JAKMIP2: variants seen among roughly 807,000 people sequenced by gnomAD.
The protein encoded by JAKMIP2 is janus kinase and microtubule-interacting protein 2.
Under a neutral mutation model 115.0 loss-of-function variants are expected in JAKMIP2, and 25 were observed. The ratio of observed to expected loss-of-function variants is 0.22; its 90% CI spans 0.16 to 0.30. The LOEUF (loss-of-function observed/expected upper bound fraction) is 0.30, where lower values mean the gene tolerates loss of function less well. JAKMIP2 is among the 10% of genes least tolerant of loss of function. The pLI, the probability that JAKMIP2 is intolerant of heterozygous loss-of-function variation, is 1.00. For synonymous variants in JAKMIP2, 334 were observed against 343.6 expected (o/e 0.97, Z 0.31); for missense variants, 642 against 957.6 (o/e 0.67, Z 4.35).
At chr5:147,781,945 C>T (rs1755774563) in intron 1 of JAKMIP2, among the ~76,000 whole-genome samples, 2 of 152,078 alleles carry the variant, frequency 1.3e-5, no homozygotes, top group Admixed American at 1.3e-4. Context: ...GATTTCTCAA[C>T]AAGAGTATAT....
chr5:147,726,160 G>A (rs553785141), intron 1 of JAKMIP2, among the ~76,000 whole-genome samples: 1 of 152,250 alleles, frequency 6.6e-6, no homozygotes, highest in Admixed American at 6.5e-5. Context: ...GAAACACTTG[G>A]TCGGAAGGAT....
At chr5:147,751,107 T>C (rs1754535191) in intron 1 of JAKMIP2, among the ~76,000 whole-genome samples, 1 of 151,422 alleles carries the variant, frequency 6.6e-6, no homozygotes, top group East Asian at 2.0e-4. Context: ...AGTCTCACCC[T>C]GTCGCCCAGG....
At chr5:147,657,258 T>C (rs1356915435) in intron 3 of JAKMIP2, among the ~76,000 whole-genome samples, 3 of 151,860 alleles carry the variant, frequency 2.0e-5, no homozygotes, top group African/African-American at 7.3e-5. Context: ...CCAGCCTGGG[T>C]GACAGAGCGA....
chr5:147,715,121 T>C (rs953345065), intron 1 of JAKMIP2, among the ~76,000 whole-genome samples: 55 of 152,238 alleles, frequency 3.6e-4, no homozygotes, highest in African/African-American at 1.2e-3. Flanking sequence ...GAGAAGAATA[T>C]GTTACAATTA....
At chr5:147,593,378 T>C (rs1181937657) in intron 21 of JAKMIP2, among the ~76,000 whole-genome samples, 3 of 152,174 alleles carry the variant, frequency 2.0e-5, no homozygotes, top group African/African-American at 4.8e-5. Context: ...AGAAAAGATA[T>C]CAAGTGTTGG....
intron 18 of JAKMIP2, among the ~76,000 whole-genome samples, chr5:147,620,126 G>C (rs1397169780): frequency 6.6e-6 from 1 of 152,018 alleles, no homozygotes; most frequent in Non-Finnish European, 1.5e-5. Flanking sequence ...ACAGGATCTT[G>C]CTCTGCTGCC....
At chr5:147,726,563 G>A (rs1408118118) in intron 1 of JAKMIP2, among the ~76,000 whole-genome samples, 1 of 152,202 alleles carries the variant, frequency 6.6e-6, no homozygotes, top group African/African-American at 2.4e-5. Flanking sequence ...TACGTCTGAA[G>A]CTGTAGCAAA....
intron 1 of JAKMIP2, among the ~76,000 whole-genome samples, chr5:147,749,440 T>G (rs1398558303): frequency 6.6e-6 from 1 of 152,180 alleles, no homozygotes; most frequent in Non-Finnish European, 1.5e-5. Context: ...GAGCTAGAAG[T>G]CAAACCCTGG....
intron 1 of JAKMIP2, among the ~76,000 whole-genome samples, chr5:147,680,936 CA>C (rs1760230340): frequency 6.6e-6 from 1 of 152,068 alleles, no homozygotes; most frequent in Non-Finnish European, 1.5e-5. Context: ...AGCATAGTAG[CA>C]ATTTTGCATC....
intron 1 of JAKMIP2, among the ~76,000 whole-genome samples, chr5:147,743,999 T>TTTCTTTCC (rs1754251726): frequency 8.9e-6 from 1 of 111,984 alleles, no homozygotes; most frequent in Admixed American, 9.5e-5. Context: ...TCCTAACTTC[T>TTTCTTTCC]TTCCTTCCTT....
chr5:147,782,728 C>T lies in JAKMIP2; in HGVS notation c.-421G>A. ...TCCCTCTCGGAGGATGGGGTGAGCT[C>T]GGAAGCAGCCAGGAACTTGCAGCAG... On this transcript the variant is annotated 5_prime_UTR_variant, in exon 1 of 22. Coordinates refer to ENST00000616793, the MANE Select transcript of JAKMIP2 (RefSeq NM_001270941.2). The T allele has an allele frequency of 1.8e-6, 1 of 567,286 alleles. No homozygotes were observed. Among genetic ancestry groups the T allele is most frequent in the South Asian group, 1.9e-5 (1 of 53,426 alleles). The allele number at this position is 567,286 out of a possible 1,614,324, so 35.1% of individuals were successfully genotyped here.
chr5:147,641,704 T>G lies in JAKMIP2; in HGVS notation c.1281+4A>C. On this transcript the variant is annotated splice_donor_region_variant and intron_variant, in intron 8 of 21. Transcript: ENST00000616793. ...AATGCCTGATAACTTTGATTTCTTA[T>G]TACCTTAATTGGCTTGGAACTTCTT... 6.2e-7 allele frequency: 1 copy of G among 1,607,628 alleles called. No homozygotes were observed. The highest frequency in any genetic ancestry group is 8.5e-7 in the Non-Finnish European group (1 of 1,174,304).
chr5:147,731,269 C>G (rs1487913605), intron 1 of JAKMIP2, among the ~76,000 whole-genome samples: 1 of 152,098 alleles, frequency 6.6e-6, no homozygotes, highest in African/African-American at 2.4e-5. Context: ...TGAAATAAAT[C>G]CTTTGGGGGG....
chr5:147,639,768 T>A lies in JAKMIP2; in HGVS notation c.1402-8A>T. The A allele has an allele frequency of 6.2e-7, 1 of 1,600,224 alleles. No individual in the cohort carries two copies. The highest frequency in any genetic ancestry group is 8.5e-7 in the Non-Finnish European group (1 of 1,177,558). ...TTCTTCAGCTGCTAAACTCTTGAGGTTAAGAAAAAAAGCCCCAAAACAATT... is the reference window on the plus strand; with the variant it reads ...TTCTTCAGCTGCTAAACTCTTGAGGATAAGAAAAAAAGCCCCAAAACAATT... On this transcript the variant is annotated splice_region_variant and splice_polypyrimidine_tract_variant and intron_variant, in intron 9 of 21. Transcript: ENST00000616793.
intron 10 of JAKMIP2, among the ~76,000 whole-genome samples, chr5:147,638,832 C>T (rs762579634): frequency 6.6e-6 from 1 of 152,088 alleles, no homozygotes; most frequent in Non-Finnish European, 1.5e-5. Context: ...CACTAAACTA[C>T]ATTTAACTTC....
At chr5:147,646,839 T>C (rs1758158009) in intron 5 of JAKMIP2, among the ~76,000 whole-genome samples, 1 of 151,544 alleles carries the variant, frequency 6.6e-6, no homozygotes. Context: ...CAAATATTAA[T>C]TTATATTCAT....
chr5:147,713,496 C>T (rs1265731886), intron 1 of JAKMIP2, among the ~76,000 whole-genome samples: 1 of 152,094 alleles, frequency 6.6e-6, no homozygotes, highest in Non-Finnish European at 1.5e-5. Context: ...GGAAATGATA[C>T]AATTTTAAGT....
intron 14 of JAKMIP2, 63 bp from the exon 15 acceptor site, chr5:147,629,809 GAACAT>G: frequency 7.6e-7 from 1 of 1,307,502 alleles, no homozygotes; most frequent in Non-Finnish European, 1.1e-6. Context: ...ATCAGTGCCT[GAACAT>G]GAAGTTAGAG....
chr5:147,703,758 T>C (rs1752464885), intron 1 of JAKMIP2, among the ~76,000 whole-genome samples: 1 of 152,074 alleles, frequency 6.6e-6, no homozygotes. Flanking sequence ...TAAACTTTTT[T>C]TTTACTTCAA....
Sources: allele counts gnomAD v4.1 joint callset (sites outside exome capture counted in the v4.1 genomes callset), GRCh38; gene constraint gnomAD v4.1.1; transcripts MANE v1.5; gene names NCBI Gene and HGNC (gene_info 2026-07-23, HGNC 2026-07-21).